Variants in NXN observed in about 807,000 individuals in gnomAD.
NXN encodes nucleoredoxin 1.
Under a neutral mutation model 48.6 loss-of-function variants are expected in NXN, and 16 were observed. The ratio of observed to expected loss-of-function variants is 0.33; its 90% CI spans 0.22 to 0.50. The LOEUF (loss-of-function observed/expected upper bound fraction) is 0.50. NXN is among the 20% of genes least tolerant of loss of function. The probability of loss-of-function intolerance (pLI) is 0.98; values close to 1 mark genes in which losing one functional copy is unlikely to be tolerated. For synonymous variants in NXN, 281 were observed against 269.6 expected, an observed-to-expected ratio of 1.04 and a Z score of -0.41; for missense variants, 492 against 605.5, an observed-to-expected ratio of 0.81 and a Z score of 1.97.
intron 1 of NXN, among the ~76,000 whole-genome samples, chr17:926,538 T>TG (rs747175582): frequency 1.1e-5 from 1 of 93,564 alleles, no homozygotes; most frequent in African/African-American, 3.1e-5. Context: ...TTTTTTGTTT[T>TG]TTTTTTGTTT....
chr17:913,008 C>A (rs899329609), intron 1 of NXN, among the ~76,000 whole-genome samples: 5 of 151,972 alleles, frequency 3.3e-5, no homozygotes, highest in African/African-American at 1.2e-4. Flanking sequence ...AAAAATAGCA[C>A]TTTTCTCTGT....
chr17:965,985 G>A (rs1373205340), intron 1 of NXN, among the ~76,000 whole-genome samples: 3 of 151,372 alleles, frequency 2.0e-5, no homozygotes, highest in Admixed American at 6.6e-5. Flanking sequence ...GTGTGGTGGC[G>A]GGCACCTGTA....
At position 849,416 on chromosome 17, in the gene NXN, C is replaced by T. The variant is rs192380668; in HGVS notation, c.361-23338G>A. 1.3e-4 allele frequency among the ~76,000 whole-genome samples: 20 copies of T among 152,210 alleles called. No homozygotes were observed. In the East Asian group the frequency reaches 3.9e-3, roughly 29 times the overall value. ...GGCGTGGTGGCAGGTACCTGTAATC[C>T]CAGCTACTCAGGAGGCTGAGGCAGA... On this transcript the variant is annotated intron_variant, in intron 1 of 7. Transcript: ENST00000336868. This position sits in a 1 kb window ranked among gnomAD's most constrained non-coding sequence, Gnocchi z 4.2.
In NXN at chr17:803,673, C is replaced by A. The variant is rs374188767; in HGVS notation, c.1125+9G>T. The A allele has an allele frequency of 7.4e-6, 12 of 1,614,080 alleles. No individual in the cohort carries two copies. The East Asian group carries it at 2.7e-4, about 36-fold the overall frequency. ...CCAGCCCTGGGCCAAGCCTCTCCTC[C>A]GCACTCACCTCCCCGGCTACGAAGA... On this transcript the variant is annotated intron_variant, in intron 7 of 7. Coordinates refer to ENST00000336868, the MANE Select transcript of NXN (RefSeq NM_022463.5).
At chr17:866,712 G>A (rs903725498) in intron 1 of NXN, among the ~76,000 whole-genome samples, 2 of 152,172 alleles carry the variant, frequency 1.3e-5, no homozygotes, top group South Asian at 2.1e-4. Flanking sequence ...AGCCTCTAAC[G>A]TTGTTCAATT....
intron 1 of NXN, among the ~76,000 whole-genome samples, chr17:974,338 G>A (rs916037692): frequency 6.6e-5 from 10 of 151,700 alleles, no homozygotes; most frequent in Admixed American, 1.3e-4. Context: ...GTGACAGAGC[G>A]AGACTCCATC....
rs1033917642 is a variant in NXN at position 851,879 on chromosome 17, C to T, written c.361-25801G>A. Among the ~76,000 whole-genome samples the T allele has an allele frequency of 5.9e-5, 9 of 152,320 alleles. No homozygotes were observed. The East Asian group carries it at 7.7e-4, about 13-fold the overall frequency. On this transcript the variant is annotated intron_variant, in intron 1 of 7. Transcript: ENST00000336868. ...CGCGTTGCCTGCGGAAAGCGGAGGT[C>T]GGCTTTCTCTATGGAAGGGAGATTA... is the stretch of plus-strand genomic sequence containing the variant.
chr17:863,725 A>G (rs1474662189), intron 1 of NXN, among the ~76,000 whole-genome samples: 2 of 152,136 alleles, frequency 1.3e-5, no homozygotes, highest in Non-Finnish European at 2.9e-5. Context: ...AACCTCCCAT[A>G]GTGGTGGGAT....
intron 1 of NXN, chr17:897,035 C>CA: frequency 9.2e-7 from 1 of 1,088,876 alleles, no homozygotes; most frequent in East Asian, 1.0e-4. Context: ...GCGTGCCTAA[C>CA]AACAGCGTCA....
intron 1 of NXN, 66 bp downstream of exon 1, chr17:979,253 T>TGGGGGGCGGGCAGGGGTAACGGGCGA (rs2069505225): frequency 5.4e-6 from 4 of 742,608 alleles, no homozygotes; most frequent in African/African-American, 6.0e-5. Flanking sequence ...GTAACGGGCG[T>TGGGGGGCGGGCAGGGGTAACGGGCGA]GGGGGGCGGG....
At chr17:941,076 C>T (rs879127233) in intron 1 of NXN, among the ~76,000 whole-genome samples, 27 of 107,230 alleles carry the variant, frequency 2.5e-4, no homozygotes, top group African/African-American at 3.7e-4. Context: ...GGATTTCCAG[C>T]GAACAAGATT....
intron 1 of NXN, among the ~76,000 whole-genome samples, chr17:856,202 A>T (rs1369830648): frequency 6.6e-6 from 1 of 152,114 alleles, no homozygotes; most frequent in African/African-American, 2.4e-5. Flanking sequence ...AAAAAAAAAA[A>T]AGAGGGTCTG....
intron 1 of NXN, chr17:907,919 G>A (rs11658396): frequency 0.31 from 46,914 of 151,824 alleles, 8,280 homozygotes; most frequent in East Asian, 0.5. Flanking sequence ...GCCCAGGCTC[G>A]CTGCCAACTC....
chr17:802,685 T>C (rs1292895226), intron 7 of NXN, among the ~76,000 whole-genome samples: 1 of 152,054 alleles, frequency 6.6e-6, no homozygotes, highest in Non-Finnish European at 1.5e-5. Context: ...CCTGTGAACC[T>C]CTTTGCTCCC....
chr17:857,238 T>C (rs914980095), intron 1 of NXN, among the ~76,000 whole-genome samples: 3 of 152,152 alleles, frequency 2.0e-5, no homozygotes, highest in African/African-American at 7.2e-5. Context: ...GTGGACGTGG[T>C]CTGTCTTGGA....
At chr17:884,443 G>A (rs1324287898) in intron 1 of NXN, among the ~76,000 whole-genome samples, 1 of 152,020 alleles carries the variant, frequency 6.6e-6, no homozygotes, top group Non-Finnish European at 1.5e-5. Flanking sequence ...AGAGAGATTC[G>A]GGGAACTGTG....
At chr17:910,505 T>C (rs1233002382) in intron 1 of NXN, among the ~76,000 whole-genome samples, 1 of 152,132 alleles carries the variant, frequency 6.6e-6, no homozygotes, top group East Asian at 1.9e-4. Flanking sequence ...AAGCTCTCAA[T>C]GCATAATATT....
At chr17:871,168 T>C (rs2068149597) in intron 1 of NXN, among the ~76,000 whole-genome samples, 1 of 151,736 alleles carries the variant, frequency 6.6e-6, no homozygotes. Flanking sequence ...GCTATGCTTT[T>C]ATTTTAAGCA....
chr17:957,421 C>T (rs1357299602), intron 1 of NXN, among the ~76,000 whole-genome samples: 1 of 152,038 alleles, frequency 6.6e-6, no homozygotes, highest in East Asian at 1.9e-4. Flanking sequence ...ATCATGAGGT[C>T]AGGAGTTCAA....
Sources: allele counts gnomAD v4.1 joint callset (sites outside exome capture counted in the v4.1 genomes callset), GRCh38; gene constraint gnomAD v4.1.1; non-coding constraint Gnocchi (gnomAD v3.1); transcripts MANE v1.5; gene names NCBI Gene and HGNC (gene_info 2026-07-23, HGNC 2026-07-21).